CYLC1: variants seen among roughly 807,000 people sequenced by gnomAD.
The protein encoded by CYLC1 is cylicin 1.
A neutral mutation model predicts 31.6 loss-of-function variants in CYLC1; 2 were observed. That is an observed-to-expected ratio of 0.06 (90% CI 0.03 to 0.20). The LOEUF is 0.20. Among genes scored for constraint, CYLC1 ranks in the 10% least tolerant of loss-of-function variants. The pLI is 1.00. For missense variants in CYLC1, 595 were observed against 424.1 expected, an observed-to-expected ratio of 1.40 and a Z score of -3.54; for synonymous variants, 185 against 153.0, an observed-to-expected ratio of 1.21 and a Z score of -1.54.
intron 4 of CYLC1, among the ~76,000 whole-genome samples, chrX:83,884,020 G>A: frequency 9.0e-6 from 1 of 111,361 alleles, no homozygotes; most frequent in African/African-American, 3.2e-5. Context: ...GCAGAACCAG[G>A]CTGTGAAATT....
chrX:83,873,473 T>C lies in CYLC1; in HGVS notation c.765T>C (p.Asp255=), dbSNP rs751919985. The C allele has an allele frequency of 4.2e-6, 5 of 1,195,622 alleles. No individual in the cohort carries two copies. In the East Asian group the frequency reaches 1.5e-4, roughly 36 times the overall value. ...VDFLMLVGQS[D]DESINFDAWL... is the part of the protein sequence containing the mutation. ...TCCTCATGTTAGTGGGACAGTCTGA[T>C]GATGAATCCATAAATTTTGATGCAT... is the stretch of plus-strand genomic sequence containing the variant. The change falls in exon 4 of 5, where the codon GAT becomes GAC. Residue 255 remains aspartate, a synonymous_variant. Transcript: ENST00000329312.
At chrX:83,878,061 TATAA>T (rs1477622132) in intron 4 of CYLC1, among the ~76,000 whole-genome samples, 2 of 62,692 alleles carry the variant, frequency 3.2e-5, no homozygotes, top group African/African-American at 6.5e-5. Flanking sequence ...TATATTTGTA[TATAA>T]ATATATATAT....
intron 1 of CYLC1, 69 bp from the exon 2 acceptor site, chrX:83,869,796 A>T (rs1403714110): frequency 1.8e-5 from 10 of 566,041 alleles, no homozygotes; most frequent in South Asian, 1.5e-4. Flanking sequence ...TAGATTACAT[A>T]AAAAAATAGT....
chrX:83,876,942 T>C (rs939600138), intron 4 of CYLC1, among the ~76,000 whole-genome samples: 1 of 110,983 alleles, frequency 9.0e-6, no homozygotes, highest in African/African-American at 3.3e-5. Flanking sequence ...AAAATTAATA[T>C]CTCCAGTTAT....
intron 4 of CYLC1, among the ~76,000 whole-genome samples, chrX:83,884,852 C>T (rs1343151787): frequency 5.4e-5 from 6 of 110,719 alleles, no homozygotes; most frequent in Non-Finnish European, 9.5e-5. Context: ...TCTCATTGAC[C>T]TCTGACTGTC....
chrX:83,873,657 G>A lies in CYLC1; in HGVS notation c.949G>A (p.Val317Ile). The change falls in exon 4 of 5, where the codon GTC (valine) becomes ATC (isoleucine). Residue 317 changes from valine to isoleucine, a missense_variant. Physicochemically the swap from Val to Ile is conservative, Grantham distance 29 (BLOSUM62 3). Coordinates refer to ENST00000329312, the MANE Select transcript of CYLC1 (RefSeq NM_021118.3). ...KKDSKKVKKN[V>I]KKDDKKKDVK... The stretch of plus-strand genomic sequence containing the variant: ...AGATTCAAAGAAAGTTAAGAAAAAT[G>A]TCAAGAAAGATGACAAGAAAAAGGA... The A allele has an allele frequency of 2.5e-6, 3 of 1,200,530 alleles. No individual in the cohort carries two copies. The highest frequency in any genetic ancestry group is 3.4e-6 in the Non-Finnish European group (3 of 891,372).
In CYLC1 at chrX:83,874,563, C is replaced by T; in HGVS notation, c.1855C>T (p.Pro619Ser). Reference protein sequence around the residue: ...LPACEPSLPSPKVRRLCWCKM... With the variant: ...LPACEPSLPSSKVRRLCWCKM... ...TGCTTGTGAGCCTTCTCTACCATCA[C>T]CAAAGGTCAGACGTCTTTGTTGGTG... Residue 619 changes from proline to serine, a missense_variant, in exon 4 of 5, where the codon CCA becomes TCA. Pro to Ser is a moderately conservative substitution (Grantham distance 74, BLOSUM62 -1). Transcript: ENST00000329312. 8.3e-7 allele frequency: 1 copy of T among 1,209,594 alleles called. No homozygotes were observed. The highest frequency in any genetic ancestry group is 1.1e-6 in the Non-Finnish European group (1 of 894,473).
At position 83,875,414 on chromosome X, in the gene CYLC1, T is replaced by G. The variant is rs1451049208; in HGVS notation, c.1923+783T>G. Among the ~76,000 whole-genome samples the G allele has an allele frequency of 4.5e-5, 5 of 111,323 alleles. No individual in the cohort carries two copies. In the East Asian group the frequency reaches 1.4e-3, roughly 32 times the overall value. ...CTGCTGATAAAGATATACCTGAAACTGAGAAATTTACAGAAGAAAGAGGTT... is the reference window on the plus strand; with the variant it reads ...CTGCTGATAAAGATATACCTGAAACGGAGAAATTTACAGAAGAAAGAGGTT... On this transcript the variant is annotated intron_variant, in intron 4 of 4. Transcript: ENST00000329312.
At chrX:83,866,687 T>G (rs951839921) in intron 1 of CYLC1, among the ~76,000 whole-genome samples, 4 of 111,006 alleles carry the variant, frequency 3.6e-5, no homozygotes, top group Non-Finnish European at 5.7e-5. Context: ...TAGTCTATAT[T>G]CCTGGCTTTT....
At chrX:83,864,478 A>C (rs1280747565) in intron 1 of CYLC1, among the ~76,000 whole-genome samples, 2 of 110,955 alleles carry the variant, frequency 1.8e-5, no homozygotes, top group Middle Eastern at 4.7e-3. Flanking sequence ...ATTTTCTGTC[A>C]GCTTTATATA....
intron 4 of CYLC1, among the ~76,000 whole-genome samples, chrX:83,879,770 G>C (rs2031884245): frequency 9.0e-6 from 1 of 110,729 alleles, no homozygotes; most frequent in African/African-American, 3.3e-5. Context: ...CACAGTGGTA[G>C]CATCTGGCAG....
At position 83,879,254 on chromosome X, in the gene CYLC1, C is replaced by T. The variant is rs148031588; in HGVS notation, c.1923+4623C>T. On this transcript the variant is annotated intron_variant, in intron 4 of 4. Transcript: ENST00000329312. Reference sequence around the variant, plus strand: ...AGATCCTCATGTCCACTTTCTGATGCCAAATCCCCCTATTTTCTCATCTTC... The same window carrying T: ...AGATCCTCATGTCCACTTTCTGATGTCAAATCCCCCTATTTTCTCATCTTC... 4.4e-3 allele frequency among the ~76,000 whole-genome samples: 487 copies of T among 110,244 alleles called. 4 individuals are homozygous for T. The highest frequency in any genetic ancestry group is 0.015 in the African/African-American group (455 of 30,387).
intron 1 of CYLC1, among the ~76,000 whole-genome samples, chrX:83,862,563 A>G (rs2031529871): frequency 8.9e-6 from 1 of 111,732 alleles, no homozygotes; most frequent in Non-Finnish European, 1.9e-5. Context: ...AAAAGAAAAG[A>G]AAAGAAAAAG....
intron 4 of CYLC1, among the ~76,000 whole-genome samples, chrX:83,877,726 T>G (rs2031791005): frequency 9.6e-6 from 1 of 104,210 alleles, no homozygotes; most frequent in Non-Finnish European, 1.9e-5. Context: ...CATCCACCAC[T>G]ATGCAGTCAC....
intron 4 of CYLC1, among the ~76,000 whole-genome samples, chrX:83,876,891 C>T (rs1229402111): frequency 2.7e-5 from 3 of 110,637 alleles, no homozygotes; most frequent in Non-Finnish European, 5.7e-5. Flanking sequence ...GAGTATATAG[C>T]GTTAAATGGC....
intron 4 of CYLC1, among the ~76,000 whole-genome samples, chrX:83,885,479 A>G (rs1051192134): frequency 9.1e-6 from 1 of 109,673 alleles, no homozygotes; most frequent in Non-Finnish European, 1.9e-5. Context: ...TTATATATAT[A>G]TAAATCTTAT....
chrX:83,878,336 TATATAA>T lies in CYLC1; in HGVS notation c.1923+3711_1923+3716del, dbSNP rs1164408957. On this transcript the variant is annotated intron_variant, in intron 4 of 4. Coordinates refer to ENST00000329312, the MANE Select transcript of CYLC1 (RefSeq NM_021118.3). The stretch of plus-strand genomic sequence containing the variant: ...AAATATATATAAATATATAAATATA[TATATAA>T]ATATATAAATATATATAAATATATA... Among the ~76,000 whole-genome samples, 36 of 48,642 alleles carry T rather than the reference TATATAA, an allele frequency of 7.4e-4. 7 individuals carry two copies. The highest frequency in any genetic ancestry group is 8.7e-4 in the Non-Finnish European group (26 of 29,843). The allele number at this position is 48,642 out of a possible 115,157, so 42.2% of individuals were successfully genotyped here.
chrX:83,863,120 T>C (rs189115182), intron 1 of CYLC1, among the ~76,000 whole-genome samples: 3 of 111,865 alleles, frequency 2.7e-5, no homozygotes, highest in East Asian at 5.6e-4. Flanking sequence ...AGTACCTTTG[T>C]CTTAATTCCT....
At position 83,874,057 on chromosome X, in the gene CYLC1, C is replaced by T. The variant is rs375048079; in HGVS notation, c.1349C>T (p.Pro450Leu). The change falls in exon 4 of 5, where the codon CCG (proline) becomes CTG (leucine). Residue 450 changes from proline to leucine, a missense_variant. Physicochemically the swap from Pro to Leu is moderately conservative, Grantham distance 98. Transcript: ENST00000329312. The stretch of plus-strand genomic sequence containing the variant: ...GAGTCTACTGATGCTGACTCTGAAC[C>T]GAAGGGAGATTCAAAAAAGGGTAAA... ...DEESTDADSE[P>L]KGDSKKGKKD... The T allele has an allele frequency of 2.3e-5, 28 of 1,197,937 alleles. No homozygotes were observed. The African/African-American group carries it at 3.2e-4, about 14-fold the overall frequency.
Sources: gnomAD v4.1 joint callset for allele counts (sites outside exome capture counted in the v4.1 genomes callset) on GRCh38, gnomAD v4.1.1 for gene constraint, MANE v1.5 for transcripts, NCBI Gene and HGNC (gene_info 2026-07-23, HGNC 2026-07-21) for gene names.